The following THSD7A variants were observed in gnomAD, a reference collection of about 807,000 sequenced individuals.
The protein encoded by THSD7A is thrombospondin type 1 domain containing 7A.
Under a neutral mutation model 231.3 loss-of-function variants are expected in THSD7A, and 96 were observed. That is an observed-to-expected ratio of 0.41 (90% CI 0.35 to 0.49). The LOEUF (loss-of-function observed/expected upper bound fraction) is 0.49. THSD7A is among the 20% of genes least tolerant of loss of function. THSD7A has a pLI of 0.05. For missense variants in THSD7A, 2,290 were observed against 2,070.2 expected, an observed-to-expected ratio of 1.11 and a Z score of -2.06; for synonymous variants, 940 against 743.3, an observed-to-expected ratio of 1.26 and a Z score of -4.30.
intron 1 of THSD7A, among the ~76,000 whole-genome samples, chr7:11,797,830 T>A (rs946389848): frequency 6.6e-6 from 1 of 152,192 alleles, no homozygotes; most frequent in African/African-American, 2.4e-5. Context: ...ATCACTCCCA[T>A]TAATGGCCTT....
chr7:11,426,661 C>T lies in THSD7A; in HGVS notation c.3249+5G>A, dbSNP rs1478859629. On this transcript the variant is annotated splice_donor_5th_base_variant and intron_variant, in intron 15 of 27. Coordinates refer to ENST00000423059, the MANE Select transcript of THSD7A (RefSeq NM_015204.3). ...TCAAAAAGCATGAGGTTTAAGAGTT[C>T]TTACCTGTGCCTGGAGTGGTGTTCA... The T allele has an allele frequency of 1.3e-6, 2 of 1,559,888 alleles. No homozygotes were observed. The highest frequency in any genetic ancestry group is 1.7e-6 in the Non-Finnish European group (2 of 1,159,320).
chr7:11,440,210 G>A (rs562788220), intron 13 of THSD7A, among the ~76,000 whole-genome samples: 2 of 152,074 alleles, frequency 1.3e-5, no homozygotes, highest in African/African-American at 4.8e-5. Flanking sequence ...TAAGCCCACT[G>A]CTGAGACCTA....
intron 6 of THSD7A, among the ~76,000 whole-genome samples, chr7:11,529,683 G>A (rs568054609): frequency 6.6e-6 from 1 of 152,118 alleles, no homozygotes; most frequent in Non-Finnish European, 1.5e-5. Context: ...TTTTCTGAGT[G>A]AGGCCTCTTC....
chr7:11,497,747 C>G lies in THSD7A; in HGVS notation c.1823-15765G>C, dbSNP rs184367529. ...ACAGAAGGGCAAGTAAATATAACAC[C>G]TTGCACTGAAACTTCCAGGTACTTG... On this transcript the variant is annotated intron_variant, in intron 6 of 27. Coordinates refer to ENST00000423059, the MANE Select transcript of THSD7A (RefSeq NM_015204.3). 1.7e-4 allele frequency among the ~76,000 whole-genome samples: 26 copies of G among 152,176 alleles called. No homozygotes were observed. The East Asian group carries it at 4.6e-3, about 27-fold the overall frequency.
chr7:11,640,729 A>G (rs1462931191), intron 1 of THSD7A, among the ~76,000 whole-genome samples: 1 of 152,146 alleles, frequency 6.6e-6, no homozygotes, highest in Non-Finnish European at 1.5e-5. Flanking sequence ...TCAGCTACAT[A>G]TAAAAATATA....
rs1782082778 is a variant in THSD7A, at chr7:11,372,229, AAACCTAGAGTAAAAGTC to A, written c.*3548_*3564del. 1 of 152,088 alleles carries A rather than the reference AAACCTAGAGTAAAAGTC, an allele frequency of 6.6e-6. No individual in the cohort carries two copies. The highest frequency in any genetic ancestry group is 2.1e-4 in the South Asian group (1 of 4,834). 9.4% of individuals were successfully genotyped at this position (152,088 alleles called of 1,614,324 possible). ...GAAAATACTAACCCCATCTAAAAAC[AAACCTAGAGTAAAAGTC>A]AACATGTTTCAGTGCTATCTTCACT... On this transcript the variant is annotated 3_prime_UTR_variant, in exon 28 of 28. Coordinates refer to ENST00000423059, the MANE Select transcript of THSD7A (RefSeq NM_015204.3).
rs1385952479 is a variant in THSD7A at position 11,481,865 on chromosome 7, G to A, written c.1940C>T (p.Ser647Leu). Reference protein sequence around the residue: ...LSTWSTWSSCSHTCSGKTTEG... With the variant: ...LSTWSTWSSCLHTCSGKTTEG... Reference sequence around the variant, plus strand: ...TGTCGTTTTCCCTGAGCAGGTGTGTGAGCAGGAGGACCACGTAGACCATGT... The same window carrying A: ...TGTCGTTTTCCCTGAGCAGGTGTGTAAGCAGGAGGACCACGTAGACCATGT... Residue 647 changes from serine (S) to leucine (L), a missense_variant, in exon 7 of 28, where the codon TCA becomes TTA. Coordinates refer to ENST00000423059, the MANE Select transcript of THSD7A (RefSeq NM_015204.3). 6.2e-7 allele frequency: 1 copy of A among 1,613,790 alleles called. No individual in the cohort carries two copies. The highest frequency in any genetic ancestry group is 2.2e-5 in the East Asian group (1 of 44,854).
chr7:11,504,644 T>C lies in THSD7A; in HGVS notation c.1823-22662A>G, dbSNP rs555625415. Among the ~76,000 whole-genome samples the C allele has an allele frequency of 7.2e-4, 110 of 152,274 alleles. 1 individual carries two copies. The highest frequency in any genetic ancestry group is 2.6e-3 in the African/African-American group (108 of 41,568). ...GGCAGGTAAGATAATAATCTACATA[T>C]ATTGTAACAAAATTGAATATGTTTG... On this transcript the variant is annotated intron_variant, in intron 6 of 27. Coordinates refer to ENST00000423059, the MANE Select transcript of THSD7A (RefSeq NM_015204.3).
chr7:11,489,241 G>C (rs1177028464), intron 6 of THSD7A, among the ~76,000 whole-genome samples: 4 of 151,958 alleles, frequency 2.6e-5, no homozygotes, highest in African/African-American at 9.7e-5. Flanking sequence ...TTCTGCAAAA[G>C]AAAAAAGCAC....
chr7:11,651,621 G>A (rs568528582), intron 1 of THSD7A, among the ~76,000 whole-genome samples: 9 of 151,820 alleles, frequency 5.9e-5, no homozygotes, highest in South Asian at 2.1e-4. Context: ...TTACCTCAAG[G>A]TTCTAAGGAG....
At chr7:11,653,962 T>C (rs886265148) in intron 1 of THSD7A, among the ~76,000 whole-genome samples, 2 of 151,916 alleles carry the variant, frequency 1.3e-5, no homozygotes, top group African/African-American at 4.8e-5. Flanking sequence ...TTCACAAATA[T>C]ATAATATTAT....
rs199747317 is a variant in THSD7A at position 11,590,622 on chromosome 7, C to T, written c.1291G>A (p.Glu431Lys). 30 of 1,609,768 alleles carry T rather than the reference C, an allele frequency of 1.9e-5. No homozygotes were observed. In the Admixed American group the frequency reaches 2.4e-4, roughly 13 times the overall value. Residue 431 changes from glutamate to lysine, a missense_variant, in exon 4 of 28, where the codon GAG becomes AAG. Physicochemically the swap from Glu to Lys is moderately conservative, Grantham distance 56. Coordinates refer to ENST00000423059, the MANE Select transcript of THSD7A (RefSeq NM_015204.3). The surrounding 1 kb of genome is among the most constrained non-coding windows in gnomAD (Gnocchi z 4.4). Reference sequence around the variant, plus strand: ...GGGTCCACACGGCACTCAGTCCACTCTGTAGTTCTCCAGCCATACCTAAAT... The same window carrying T: ...GGGTCCACACGGCACTCAGTCCACTTTGTAGTTCTCCAGCCATACCTAAAT... ...PCATYGWRTT[E>K]WTECRVDPLL... is the part of the protein sequence containing the mutation.
intron 13 of THSD7A, among the ~76,000 whole-genome samples, chr7:11,443,194 T>C (rs1784858549): frequency 6.6e-6 from 1 of 152,166 alleles, no homozygotes; most frequent in Admixed American, 6.5e-5. Context: ...ACAGGTAATG[T>C]TAAACAATTA....
chr7:11,819,959 C>G (rs997652928), intron 1 of THSD7A, among the ~76,000 whole-genome samples: 4 of 152,152 alleles, frequency 2.6e-5, no homozygotes, highest in Admixed American at 2.6e-4. Flanking sequence ...TTCTGTAAGT[C>G]TAACACTGCA....
intron 1 of THSD7A, among the ~76,000 whole-genome samples, chr7:11,781,620 T>G (rs1783635423): frequency 6.6e-6 from 1 of 152,170 alleles, no homozygotes; most frequent in Admixed American, 6.5e-5. Flanking sequence ...TATCAAAACC[T>G]GGGTTGGTCC....
intron 1 of THSD7A, among the ~76,000 whole-genome samples, chr7:11,768,949 T>C (rs981897855): frequency 1.3e-5 from 2 of 149,794 alleles, no homozygotes; most frequent in Non-Finnish European, 3.0e-5. Context: ...TTGTTTTGTT[T>C]TGTTTTATTT....
At position 11,435,451 on chromosome 7, in the gene THSD7A, T is replaced by C. The variant is rs1271427020; in HGVS notation, c.3065-6326A>G. On this transcript the variant is annotated intron_variant, in intron 13 of 27. Transcript: ENST00000423059. Reference sequence around the variant, plus strand: ...AGAGTTGGAGCTTTGAGCTACATGTTATCTGACCACCTTTAAGACGAGAGA... The same window carrying C: ...AGAGTTGGAGCTTTGAGCTACATGTCATCTGACCACCTTTAAGACGAGAGA... Among the ~76,000 whole-genome samples, 4 of 152,092 alleles carry C rather than the reference T, an allele frequency of 2.6e-5. 1 individual carries two copies. The East Asian group carries it at 7.7e-4, about 29-fold the overall frequency.
At chr7:11,635,808 C>G (rs1781816850) in intron 2 of THSD7A, among the ~76,000 whole-genome samples, 1 of 152,042 alleles carries the variant, frequency 6.6e-6, no homozygotes. Context: ...ATTTCAGCCC[C>G]TAAGCAATTT....
intron 1 of THSD7A, among the ~76,000 whole-genome samples, chr7:11,818,021 C>G (rs1483633664): frequency 6.6e-6 from 1 of 152,104 alleles, no homozygotes; most frequent in Admixed American, 6.5e-5. Context: ...ACCTCTGTAA[C>G]GTTTATAGTC....
Sources: gnomAD v4.1 joint callset for allele counts (sites outside exome capture counted in the v4.1 genomes callset) on GRCh38, gnomAD v4.1.1 for gene constraint, Gnocchi (gnomAD v3.1) non-coding constraint, MANE v1.5 for transcripts, NCBI Gene and HGNC (gene_info 2026-07-23, HGNC 2026-07-21) for gene names.